CEP89: variants seen among roughly 807,000 people sequenced by gnomAD.
CEP89 encodes centrosomal protein of 89 kDa.
CEP89 carries 95 observed loss-of-function variants against 97.6 expected under a neutral mutation model. The ratio of observed to expected loss-of-function variants is 0.97; its 90% CI spans 0.82 to 1.15. The LOEUF (loss-of-function observed/expected upper bound fraction) is 1.15. CEP89 is among the 50% of genes most tolerant of loss of function. The probability of loss-of-function intolerance (pLI) is 0.00; values close to 1 mark genes in which losing one functional copy is unlikely to be tolerated. For missense variants in CEP89, 869 were observed against 947.7 expected, an observed-to-expected ratio of 0.92 and a Z score of 1.09; for synonymous variants, 354 against 349.1, an observed-to-expected ratio of 1.01 and a Z score of -0.16.
intron 2 of CEP89, among the ~76,000 whole-genome samples, chr19:32,963,262 A>G (rs1971205998): frequency 6.6e-6 from 1 of 152,142 alleles, no homozygotes. Flanking sequence ...AGGCTGAAGC[A>G]TGAGAATCGC....
chr19:32,962,935 T>C (rs909036459), intron 2 of CEP89, among the ~76,000 whole-genome samples: 1 of 152,194 alleles, frequency 6.6e-6, no homozygotes, highest in Admixed American at 6.6e-5. Flanking sequence ...ACAGGACTTG[T>C]GACCAACAAG....
chr19:32,934,712 G>A (rs1435342289), intron 7 of CEP89, among the ~76,000 whole-genome samples: 2 of 152,200 alleles, frequency 1.3e-5, no homozygotes, highest in African/African-American at 4.8e-5. Context: ...AATGAAGATG[G>A]GTGCCAAGCC....
chr19:32,937,276 A>T (rs962661578), intron 7 of CEP89, among the ~76,000 whole-genome samples: 3 of 152,048 alleles, frequency 2.0e-5, no homozygotes, highest in African/African-American at 4.8e-5. Flanking sequence ...TACGGATCCC[A>T]GTACATCATG....
At chr19:32,928,846 T>G (rs1223653973) in intron 9 of CEP89, among the ~76,000 whole-genome samples, 1 of 152,134 alleles carries the variant, frequency 6.6e-6, no homozygotes, top group East Asian at 1.9e-4. Flanking sequence ...CTCAGGCCCT[T>G]CCTCCCTGCT....
intron 16 of CEP89, among the ~76,000 whole-genome samples, chr19:32,897,704 G>A (rs1969672697): frequency 6.6e-6 from 1 of 152,056 alleles, no homozygotes; most frequent in African/African-American, 2.4e-5. Flanking sequence ...TGAAACCACA[G>A]GCATGCACCA....
chr19:32,959,822 C>T, intron 3 of CEP89, 78 bp downstream of exon 3: 1 of 1,503,518 alleles, frequency 6.7e-7, no homozygotes, highest in Non-Finnish European at 9.2e-7. Context: ...TACGCATGCA[C>T]ACATACACGT....
At chr19:32,912,543 T>A (rs923120275) in intron 14 of CEP89, among the ~76,000 whole-genome samples, 6 of 152,152 alleles carry the variant, frequency 3.9e-5, no homozygotes, top group African/African-American at 1.4e-4. Flanking sequence ...CCCACAATTG[T>A]GTGAGCCAAT....
At chr19:32,944,087 C>A (rs772429739) in intron 5 of CEP89, among the ~76,000 whole-genome samples, 5 of 151,880 alleles carry the variant, frequency 3.3e-5, no homozygotes, top group Non-Finnish European at 5.9e-5. Flanking sequence ...ATTAGCCAGG[C>A]ATGATGATGC....
intron 16 of CEP89, among the ~76,000 whole-genome samples, chr19:32,895,598 G>C (rs755162042): frequency 2.6e-5 from 4 of 152,078 alleles, no homozygotes; most frequent in Non-Finnish European, 5.9e-5. Context: ...ATTCAGCACA[G>C]TACTGGAAGT....
intron 16 of CEP89, among the ~76,000 whole-genome samples, chr19:32,895,589 T>C (rs1359244914): frequency 1.3e-5 from 2 of 152,090 alleles, no homozygotes; most frequent in Non-Finnish European, 2.9e-5. Flanking sequence ...ACCACTCTTA[T>C]TCAGCACAGT....
chr19:32,905,660 T>G (rs916685721), intron 14 of CEP89, among the ~76,000 whole-genome samples: 1 of 152,224 alleles, frequency 6.6e-6, no homozygotes, highest in Non-Finnish European at 1.5e-5. Flanking sequence ...TAAATTTGTG[T>G]GAATTCTACT....
chr19:32,933,598 T>A lies in CEP89; in HGVS notation c.739A>T (p.Asn247Tyr), dbSNP rs1221029256. ...REKFEALKEE[N>Y]MDLNNMNQSL... ...TGATTCATATTGTTTAGGTCCATAT[T>A]TTCTTCTTTTAATGCCTCAAACTTT... Residue 247 changes from asparagine (N) to tyrosine (Y), a missense_variant, in exon 8 of 19, where the codon AAT (asparagine) becomes TAT (tyrosine). By Grantham distance (143) the Asn-to-Tyr change is moderately radical (BLOSUM62 -2). Coordinates refer to ENST00000305768, the MANE Select transcript of CEP89 (RefSeq NM_032816.5). 4.3e-6 allele frequency: 7 copies of A among 1,613,576 alleles called. No homozygotes were observed. The South Asian group carries it at 6.6e-5, about 15-fold the overall frequency.
chr19:32,912,215 A>AC (rs1213597379), intron 14 of CEP89, among the ~76,000 whole-genome samples: 1 of 151,548 alleles, frequency 6.6e-6, no homozygotes, highest in African/African-American at 2.4e-5. Flanking sequence ...AAAAAAAAAA[A>AC]GGAAAAAAAA....
intron 2 of CEP89, among the ~76,000 whole-genome samples, chr19:32,963,345 G>A (rs1173247138): frequency 6.6e-6 from 1 of 152,080 alleles, no homozygotes; most frequent in Admixed American, 6.6e-5. Context: ...GACAGAATGA[G>A]ACTCTGATCA....
At chr19:32,971,675 G>A in intron 1 of CEP89, 161 bp downstream of exon 1, 3 of 634,226 alleles carry the variant, frequency 4.7e-6, no homozygotes, top group Non-Finnish European at 2.7e-6. Context: ...AAAAAAAAAA[G>A]TTTAGAACAC....
At chr19:32,951,532 TATACACACAC>T (rs1020436584) in intron 4 of CEP89, among the ~76,000 whole-genome samples, 1 of 112,408 alleles carries the variant, frequency 8.9e-6, no homozygotes, top group African/African-American at 3.5e-5. Context: ...TATATATATA[TATACACACAC>T]ACACACACAC....
At chr19:32,911,673 G>C (rs1458300563) in intron 14 of CEP89, among the ~76,000 whole-genome samples, 1 of 151,912 alleles carries the variant, frequency 6.6e-6, no homozygotes, top group African/African-American at 2.4e-5. Context: ...AGAAAAGCAC[G>C]AGTCTGGCTT....
Position 32,966,358 on chromosome 19 carries a change from A to T in CEP89, c.146+2T>A. ...CTCAGTGCCTGCTCATCTGATACTC[A>T]CCTTGGTCTCTCTGGAGATGGGTTG... On this transcript the variant is annotated splice_donor_variant, in intron 2 of 18. Transcript: ENST00000305768. LOFTEE classifies it high-confidence loss of function. The T allele has an allele frequency of 6.6e-7, 1 of 1,517,572 alleles. No individual in the cohort carries two copies. Among genetic ancestry groups the T allele is most frequent in the South Asian group, 1.3e-5 (1 of 78,490 alleles). The allele number at this position is 1,517,572 out of a possible 1,614,324, so 94.0% of individuals were successfully genotyped here.
rs560737604 is a variant in CEP89 at position 32,952,310 on chromosome 19, G to A, written c.492+1305C>T. ...AGTCTGGCTAACATAACAAGACCCT[G>A]GCCCTATAGAAAAAAAAAAAAAAAG... is the stretch of plus-strand genomic sequence containing the variant. On this transcript the variant is annotated intron_variant, in intron 4 of 18. Transcript: ENST00000305768. Among the ~76,000 whole-genome samples the A allele has an allele frequency of 4.6e-3, 631 of 138,232 alleles. 5 individuals carry two copies. Among genetic ancestry groups the A allele is most frequent in the African/African-American group, 0.016 (591 of 37,892 alleles). The allele number at this position is 138,232 out of a possible 152,430, so 90.7% of individuals were successfully genotyped here.
Sources: allele counts gnomAD v4.1 joint callset (sites outside exome capture counted in the v4.1 genomes callset), GRCh38; gene constraint gnomAD v4.1.1; transcripts MANE v1.5; gene names NCBI Gene and HGNC (gene_info 2026-07-23, HGNC 2026-07-21).